PSG5: variants seen among roughly 807,000 people sequenced by gnomAD.
PSG5 encodes pregnancy specific beta-1-glycoprotein 5.
A neutral mutation model predicts 37.7 loss-of-function variants in PSG5; 53 were observed. The observed-to-expected ratio is 1.41, with a 90% CI of 1.13 to 1.77. The LOEUF (loss-of-function observed/expected upper bound fraction) is 1.77. PSG5 is among the 40% of genes most tolerant of loss of function. PSG5 has a pLI of 0.00. For missense variants in PSG5, 547 were observed against 405.2 expected, an observed-to-expected ratio of 1.35 and a Z score of -3.00; for synonymous variants, 221 against 155.4, an observed-to-expected ratio of 1.42 and a Z score of -3.14.
At chr19:43,182,732 G>A (rs1338381573) in intron 2 of PSG5, among the ~76,000 whole-genome samples, 2 of 91,786 alleles carry the variant, frequency 2.2e-5, no homozygotes, top group East Asian at 5.1e-4. Flanking sequence ...TTGTGCAGGA[G>A]GCCAGAAGAT....
At chr19:43,183,817 TC>T (rs752994703) in intron 2 of PSG5, among the ~76,000 whole-genome samples, 5 of 151,602 alleles carry the variant, frequency 3.3e-5, no homozygotes, top group South Asian at 4.2e-4. Context: ...GACCCTGATC[TC>T]CCCCTTTGGG....
rs969473868 is a variant in PSG5, at chr19:43,175,413, T to A, written c.766A>T (p.Asn256Tyr). ...TCCGCGAAGCAGGACAAGTAGAGGT[T>A]TTCTCCTGAACGGTAATAGGTGAAT... ...PSFTYYRSGENLYLSCFAESN... is the reference protein window; with the variant it reads ...PSFTYYRSGEYLYLSCFAESN... Residue 256 changes from asparagine to tyrosine, a missense_variant, in exon 4 of 6, where the codon AAC becomes TAC. By Grantham distance (143) the Asn-to-Tyr change is moderately radical. Coordinates refer to ENST00000342951, the MANE Select transcript of PSG5 (RefSeq NM_002781.4). 1 of 1,612,778 alleles carries A rather than the reference T, an allele frequency of 6.2e-7. No homozygotes were observed. Among genetic ancestry groups the A allele is most frequent in the Non-Finnish European group, 8.5e-7 (1 of 1,179,238 alleles).
chr19:43,170,355 T>C (rs1465702008), intron 4 of PSG5: 1 of 614,878 alleles, frequency 1.6e-6, no homozygotes, highest in African/African-American at 2.0e-5. Context: ...CTGTCAAATC[T>C]CTACTGCACT....
In PSG5 at chr19:43,186,413, G is replaced by A. The variant is rs375590686; in HGVS notation, c.-8C>T. 64 of 1,611,994 alleles carry A rather than the reference G, an allele frequency of 4.0e-5. 3 individuals carry two copies. In the African/African-American group the frequency reaches 8.5e-4, roughly 21 times the overall value. On this transcript the variant is annotated 5_prime_UTR_variant, in exon 1 of 6. Transcript: ENST00000342951. The stretch of plus-strand genomic sequence containing the variant: ...GGCTGAGAGGGGCCCCATGGTCTCT[G>A]CGCCTGCGTGTTCTCCTCTGTGGAG...
chr19:43,175,781 T>G, intron 3 of PSG5, 89 bp downstream of exon 3: 1 of 1,578,906 alleles, frequency 6.3e-7, no homozygotes, highest in Admixed American at 1.7e-5. Context: ...GTGTCTATAC[T>G]TGGACCGGAG....
chr19:43,170,223 G>A (rs1968876081), intron 4 of PSG5, 85 bp from the exon 5 acceptor site: 4 of 1,182,640 alleles, frequency 3.4e-6, no homozygotes, highest in Admixed American at 1.8e-5. Flanking sequence ...GTAGCATGAG[G>A]TACTCTATAA....
At chr19:43,183,357 A>G (rs1969171332) in intron 2 of PSG5, 3 of 509,194 alleles carry the variant, frequency 5.9e-6, no homozygotes, top group South Asian at 2.9e-5. Flanking sequence ...TTCTGCATCC[A>G]ACATCCAGTC....
chr19:43,176,014 C>A lies in PSG5; in HGVS notation c.565G>T (p.Val189Phe), dbSNP rs764607194. The A allele has an allele frequency of 5.6e-6, 9 of 1,611,150 alleles. No homozygotes were observed. The highest frequency in any genetic ancestry group is 1.1e-5 in the South Asian group (1 of 90,976). The change falls in exon 3 of 6, where the codon GTC becomes TTC. Residue 189 changes from valine (V) to phenylalanine (F), a missense_variant. By Grantham distance (50) the Val-to-Phe change is conservative. Transcript: ENST00000342951. ...ATGGGTCGCTTTACCCTGGGACTGA[C>A]CGGGAGGCTCTGACCATTTAGCCAC... The part of the protein sequence containing the change: ...IWWLNGQSLP[V>F]SPRVKRPIEN...
At position 43,179,743 on chromosome 19, in the gene PSG5, C is replaced by T. The variant is rs572648071; in HGVS notation, c.431-3595G>A. On this transcript the variant is annotated intron_variant, in intron 2 of 5. Transcript: ENST00000342951. Reference sequence around the variant, plus strand: ...ATCAGGCAGTGGAGCCACAAGGTGGCGCAGTTTTCCCAGGTGTCTCATAGT... The same window carrying T: ...ATCAGGCAGTGGAGCCACAAGGTGGTGCAGTTTTCCCAGGTGTCTCATAGT... 3.0e-3 allele frequency among the ~76,000 whole-genome samples: 458 copies of T among 151,688 alleles called. 16 individuals are homozygous for T. The highest frequency in any genetic ancestry group is 0.01 in the African/African-American group (431 of 41,232).
chr19:43,178,985 G>A (rs758878969), intron 2 of PSG5: 1 of 1,612,706 alleles, frequency 6.2e-7, no homozygotes, highest in Non-Finnish European at 8.5e-7. Context: ...ATATAAAGAG[G>A]GTCCTGTTGG....
In PSG5 at chr19:43,170,126, A is replaced by G. The variant is rs773797088; in HGVS notation, c.977T>C (p.Ile326Thr). 2 of 1,587,846 alleles carry G rather than the reference A, an allele frequency of 1.3e-6. No individual in the cohort carries two copies. Among genetic ancestry groups the G allele is most frequent in the South Asian group, 1.1e-5 (1 of 90,800 alleles). The change falls in exon 5 of 6, where the codon ATA becomes ACA. Residue 326 changes from isoleucine to threonine, a missense_variant. Coordinates refer to ENST00000342951, the MANE Select transcript of PSG5 (RefSeq NM_002781.4). ...TGGATTAAGGAGAGGAAGACGTCCTATTCCTGAAGGAGCTGTCATGGAAAG... is the reference window on the plus strand; with the variant it reads ...TGGATTAAGGAGAGGAAGACGTCCTGTTCCTGAAGGAGCTGTCATGGAAAG... Reference protein sequence around the residue: ...MTVEVSAPSGIGRLPLLNPI With the variant: ...MTVEVSAPSGTGRLPLLNPI
chr19:43,180,146 A>G (rs1387416695), intron 2 of PSG5, among the ~76,000 whole-genome samples: 6 of 151,528 alleles, frequency 4.0e-5, no homozygotes, highest in African/African-American at 1.2e-4. Flanking sequence ...TGTACCTCAT[A>G]TCAGTGGATT....
intron 2 of PSG5, among the ~76,000 whole-genome samples, chr19:43,179,820 C>T (rs1260367349): frequency 6.6e-6 from 1 of 151,672 alleles, no homozygotes; most frequent in Non-Finnish European, 1.5e-5. Context: ...CAAGGAATGA[C>T]CTACAAAGAG....
rs1206343774 is a variant in PSG5, at chr19:43,185,010, A to G, written c.202T>C (p.Tyr68His). The stretch of plus-strand genomic sequence containing the variant: ...TAGAGGTCCATCAGTTGTCCTTTGT[A>G]CCAGATGTAGCCAGCAAGATTCTGA... ...LPQNLAGYIW[Y>H]KGQLMDLYHY... Residue 68 changes from tyrosine to histidine, a missense_variant, in exon 2 of 6, where the codon TAC becomes CAC. By Grantham distance (83) the Tyr-to-His change is moderately conservative. Coordinates refer to ENST00000342951, the MANE Select transcript of PSG5 (RefSeq NM_002781.4). The G allele has an allele frequency of 2.5e-6, 4 of 1,612,490 alleles. No homozygotes were observed. The highest frequency in any genetic ancestry group is 3.4e-6 in the Non-Finnish European group (4 of 1,179,208).
At chr19:43,177,576 T>G (rs11083693) in intron 2 of PSG5, among the ~76,000 whole-genome samples, 101,877 of 150,498 alleles carry the variant, frequency 0.68, 35,796 homozygotes, top group East Asian at 0.98. Context: ...CACTGGCCAT[T>G]CTGCACTCAT....
intron 2 of PSG5, among the ~76,000 whole-genome samples, chr19:43,178,072 A>C (rs1304792768): frequency 8.6e-5 from 13 of 151,586 alleles, no homozygotes; most frequent in South Asian, 4.1e-4. Context: ...GTGAAGGGGA[A>C]AGGCAAAAGC....
chr19:43,180,005 T>A (rs943955218), intron 2 of PSG5, among the ~76,000 whole-genome samples: 3 of 151,748 alleles, frequency 2.0e-5, no homozygotes, highest in Non-Finnish European at 2.9e-5. Context: ...AATCATGAAC[T>A]GATGATGGAA....
At chr19:43,180,120 G>C (rs1003214497) in intron 2 of PSG5, among the ~76,000 whole-genome samples, 1 of 151,618 alleles carries the variant, frequency 6.6e-6, no homozygotes, top group Non-Finnish European at 1.5e-5. Context: ...CTCTGATTCT[G>C]AGTTTGACTA....
chr19:43,170,343 C>T, intron 4 of PSG5: 1 of 641,846 alleles, frequency 1.6e-6, no homozygotes, highest in Non-Finnish European at 2.4e-6. Flanking sequence ...GTGATCAGTC[C>T]TCTGTCAAAT....
Sources: gnomAD v4.1 joint callset for allele counts (sites outside exome capture counted in the v4.1 genomes callset) on GRCh38, gnomAD v4.1.1 for gene constraint, MANE v1.5 for transcripts, NCBI Gene and HGNC (gene_info 2026-07-23, HGNC 2026-07-21) for gene names.